KIRREL3: variants seen among roughly 807,000 people sequenced by gnomAD.
KIRREL3 encodes the protein kirre like nephrin family adhesion molecule 3, also known as kin of IRRE-like protein 3.
Under a neutral mutation model 89.7 loss-of-function variants are expected in KIRREL3, and 36 were observed. The observed-to-expected ratio is 0.40, with a 90% CI of 0.31 to 0.53. The LOEUF (loss-of-function observed/expected upper bound fraction) is 0.53. Among genes scored for constraint, KIRREL3 ranks in the 20% least tolerant of loss-of-function variants. The pLI, the probability that KIRREL3 is intolerant of heterozygous loss-of-function variation, is 0.49. For missense variants in KIRREL3, 864 were observed against 1,056.6 expected (o/e 0.82, Z 2.53); for synonymous variants, 445 against 441.4 (o/e 1.01, Z -0.10).
chr11:126,493,562 G>C (rs1025563737), intron 4 of KIRREL3, among the ~76,000 whole-genome samples: 4 of 148,762 alleles, frequency 2.7e-5, no homozygotes, highest in African/African-American at 9.9e-5. Flanking sequence ...GGCTGAGGCA[G>C]GAGAATGGCG....
Position 126,489,011 on chromosome 11 carries a change from G to A in KIRREL3, c.434-15545C>T, listed in dbSNP as rs1002186884. Among the ~76,000 whole-genome samples, 2 of 152,050 alleles carry A rather than the reference G, an allele frequency of 1.3e-5. No homozygotes were observed. Among genetic ancestry groups the A allele is most frequent in the Admixed American group, 1.3e-4 (2 of 15,266 alleles). ...GCTTCCTTTCCTTTCCTGACTTGTG[G>A]ACACCTACACGATGTTCAGTGTTTG... is the stretch of plus-strand genomic sequence containing the variant. On this transcript the variant is annotated intron_variant, in intron 4 of 16. Transcript: ENST00000525144. The surrounding 1 kb of genome is among the most constrained non-coding windows in gnomAD (Gnocchi z 5.5).
intron 10 of KIRREL3, chr11:126,440,926 G>C (rs1014435299): frequency 7.0e-6 from 2 of 284,226 alleles, no homozygotes; most frequent in South Asian, 7.4e-5. Flanking sequence ...AGCCTGCAGA[G>C]GGGGTGGGGA....
intron 1 of KIRREL3, among the ~76,000 whole-genome samples, chr11:126,873,535 C>A (rs1945176606): frequency 6.6e-6 from 1 of 152,140 alleles, no homozygotes; most frequent in African/African-American, 2.4e-5. Flanking sequence ...GTGCATTTTT[C>A]TTTTTGCTCA....
At chr11:126,596,766 G>C (rs1395106714) in intron 1 of KIRREL3, among the ~76,000 whole-genome samples, 1 of 152,188 alleles carries the variant, frequency 6.6e-6, no homozygotes, top group Admixed American at 6.5e-5. Context: ...TTCCAGGAAG[G>C]GGGAATGAAA....
chr11:126,783,979 C>T lies in KIRREL3; in HGVS notation c.55+216476G>A, dbSNP rs1010461262. Among the ~76,000 whole-genome samples, 2 of 152,308 alleles carry T rather than the reference C, an allele frequency of 1.3e-5. No homozygotes were observed. Among genetic ancestry groups the T allele is most frequent in the South Asian group, 2.1e-4 (1 of 4,816 alleles). ...TTGTCTTTGTGGTCTTCCCCCTCGA[C>T]CTCAGTGTAATCTTGAAAAGAGCAT... is the stretch of plus-strand genomic sequence containing the variant. On this transcript the variant is annotated intron_variant, in intron 1 of 16. Transcript: ENST00000525144. This position sits in a 1 kb window ranked among gnomAD's most constrained non-coding sequence, Gnocchi z 4.3.
At chr11:126,831,686 A>G (rs1292920797) in intron 1 of KIRREL3, among the ~76,000 whole-genome samples, 1 of 152,230 alleles carries the variant, frequency 6.6e-6, no homozygotes, top group African/African-American at 2.4e-5. Flanking sequence ...GGTCACTTAC[A>G]ACAGAAAATA....
At chr11:126,583,480 G>A (rs1249277516) in intron 1 of KIRREL3, among the ~76,000 whole-genome samples, 6 of 152,196 alleles carry the variant, frequency 3.9e-5, no homozygotes. Flanking sequence ...AGCACCAGGA[G>A]CTTCTCTGTT....
chr11:126,426,991 G>T (rs990918833), intron 15 of KIRREL3, among the ~76,000 whole-genome samples: 1 of 152,168 alleles, frequency 6.6e-6, no homozygotes, highest in Non-Finnish European at 1.5e-5. Flanking sequence ...TCCTCAAGGG[G>T]TGGCTTAGCC....
chr11:127,002,586 G>A (rs191247156), upstream of KIRREL3, among the ~76,000 whole-genome samples: 2 of 152,124 alleles, frequency 1.3e-5, no homozygotes, highest in Non-Finnish European at 1.5e-5. Context: ...GTATAGCGCC[G>A]TCACCTTAGT....
chr11:126,765,038 C>A (rs887000356), intron 1 of KIRREL3, among the ~76,000 whole-genome samples: 1 of 152,140 alleles, frequency 6.6e-6, no homozygotes. Flanking sequence ...ACAAAGCAGG[C>A]AATCATGACA....
chr11:126,485,017 G>A lies in KIRREL3; in HGVS notation c.434-11551C>T, dbSNP rs1434274282. The stretch of plus-strand genomic sequence containing the variant: ...GTACTTTTGGTGGAGACGGGGTTTC[G>A]TCATGTTGGCCAGGCTGGTCTCAAA... On this transcript the variant is annotated intron_variant, in intron 4 of 16. Coordinates refer to ENST00000525144, the MANE Select transcript of KIRREL3 (RefSeq NM_032531.4). This position sits in a 1 kb window ranked among gnomAD's most constrained non-coding sequence, Gnocchi z 5.8. 2.6e-5 allele frequency among the ~76,000 whole-genome samples: 4 copies of A among 151,996 alleles called. No homozygotes were observed. Among genetic ancestry groups the A allele is most frequent in the Admixed American group, 6.5e-5 (1 of 15,272 alleles).
intron 1 of KIRREL3, among the ~76,000 whole-genome samples, chr11:126,800,015 G>C (rs547622370): frequency 1.8e-4 from 27 of 152,236 alleles, no homozygotes; most frequent in African/African-American, 5.3e-4. Flanking sequence ...TCTGTGGGTG[G>C]GGCTCTGAGC....
chr11:126,907,483 G>T (rs1793655), intron 1 of KIRREL3, among the ~76,000 whole-genome samples: 93,930 of 152,012 alleles, frequency 0.62, 29,277 homozygotes, highest in Middle Eastern at 0.8. Context: ...GAAAAAGATG[G>T]CTTGCAGACG....
chr11:126,482,782 C>T (rs1339005674), intron 4 of KIRREL3, among the ~76,000 whole-genome samples: 2 of 152,218 alleles, frequency 1.3e-5, no homozygotes, highest in East Asian at 1.9e-4. Context: ...TTGGCATCCC[C>T]TCCCTCTGGG....
intron 1 of KIRREL3, among the ~76,000 whole-genome samples, chr11:126,581,439 T>C (rs1470386664): frequency 6.6e-6 from 1 of 152,158 alleles, no homozygotes; most frequent in African/African-American, 2.4e-5. Context: ...TGACCTCAGG[T>C]GATCTGCCCT....
intron 1 of KIRREL3, among the ~76,000 whole-genome samples, chr11:126,726,574 G>T (rs1172385885): frequency 6.6e-6 from 1 of 152,094 alleles, no homozygotes; most frequent in African/African-American, 2.4e-5. Context: ...CGCCATGTTG[G>T]CCAGGCTGGT....
intron 1 of KIRREL3, among the ~76,000 whole-genome samples, chr11:126,731,038 C>T (rs570423766): frequency 6.6e-6 from 1 of 152,320 alleles, no homozygotes. Flanking sequence ...CGCGCCCAGC[C>T]AACATGCAAT....
intron 1 of KIRREL3, chr11:126,936,540 T>C (rs968685126): frequency 1.6e-5 from 2 of 123,930 alleles, no homozygotes; most frequent in African/African-American, 6.0e-5. Flanking sequence ...ATCCGTACAA[T>C]AAAATGCTAT....
In KIRREL3 at chr11:126,424,439, G is replaced by A. The variant is rs1591509980; in HGVS notation, c.*141C>T. 3.3e-5 allele frequency: 25 copies of A among 748,154 alleles called. No individual in the cohort carries two copies. In the East Asian group the frequency reaches 6.8e-4, roughly 20 times the overall value. The allele number at this position is 748,154 out of a possible 1,614,324, so 46.3% of individuals were successfully genotyped here. A position where few individuals can be genotyped will look rare whatever the true frequency, so the allele number is the denominator to read the frequency against. On this transcript the variant is annotated 3_prime_UTR_variant, in exon 17 of 17. Coordinates refer to ENST00000525144, the MANE Select transcript of KIRREL3 (RefSeq NM_032531.4). ...TTTGTGCTTGATCAGAGCTTCGAAG[G>A]AAGGCAGTGGCAGAGGCGCTGGGAG...
Sources: gnomAD v4.1 joint callset for allele counts (sites outside exome capture counted in the v4.1 genomes callset) on GRCh38, gnomAD v4.1.1 for gene constraint, Gnocchi (gnomAD v3.1) non-coding constraint, MANE v1.5 for transcripts, NCBI Gene and HGNC (gene_info 2026-07-23, HGNC 2026-07-21) for gene names.